ADORA2B: variants seen among roughly 807,000 people sequenced by gnomAD.
ADORA2B encodes the protein adenosine A2b receptor.
In ADORA2B, 18 loss-of-function variants were observed where a neutral mutation model predicts 20.8. The ratio of observed to expected loss-of-function variants is 0.87; its 90% CI spans 0.60 to 1.29. ADORA2B has a LOEUF of 1.29. ADORA2B is among the 50% of genes most tolerant of loss of function. ADORA2B has a pLI of 0.00. For synonymous variants in ADORA2B, 179 were observed against 178.3 expected (o/e 1.00, Z -0.03); for missense variants, 441 against 422.7 (o/e 1.04, Z -0.38).
the ADORA2B span, among the ~76,000 whole-genome samples, chr17:15,855,009 A>G: frequency 6.6e-6 from 1 of 151,150 alleles, no homozygotes; most frequent in Non-Finnish European, 1.5e-5. Context: ...GGCCCACTGC[A>G]ACCTCCACCT....
upstream of ADORA2B, among the ~76,000 whole-genome samples, chr17:15,942,637 G>A (rs1354028097): frequency 3.9e-5 from 6 of 152,114 alleles, no homozygotes; most frequent in South Asian, 2.1e-4. Flanking sequence ...GCTGCAGGGC[G>A]TGCAGGAACC....
chr17:15,862,879 A>G, the ADORA2B span, among the ~76,000 whole-genome samples: 30 of 150,722 alleles, frequency 2.0e-4, no homozygotes, highest in Admixed American at 1.3e-4. Context: ...CTCCTGCGTC[A>G]GCCTCCTAAG....
At chr17:15,896,820 A>AT in the ADORA2B span, among the ~76,000 whole-genome samples, 1 of 151,956 alleles carries the variant, frequency 6.6e-6, no homozygotes, top group Non-Finnish European at 1.5e-5. Flanking sequence ...AGTCCCTCCT[A>AT]TTTTTTCCCT....
At chr17:15,973,431 G>C (rs191844349) in intron 1 of ADORA2B, among the ~76,000 whole-genome samples, 60 of 152,312 alleles carry the variant, frequency 3.9e-4, no homozygotes, top group African/African-American at 1.3e-3. Flanking sequence ...TCTGTTCACT[G>C]ATGTATCTCA....
intron 1 of ADORA2B, among the ~76,000 whole-genome samples, chr17:15,949,248 C>T (rs558528135): frequency 6.6e-6 from 1 of 152,058 alleles, no homozygotes; most frequent in Non-Finnish European, 1.5e-5. Flanking sequence ...CACAGTGGCT[C>T]ACGCCTGTAA....
the ADORA2B span, among the ~76,000 whole-genome samples, chr17:15,852,681 G>A: frequency 7.2e-5 from 11 of 152,164 alleles, no homozygotes; most frequent in Admixed American, 2.6e-4. Context: ...CTATAAAAAA[G>A]AATCCATTAG....
At chr17:15,913,078 CTGT>C in the ADORA2B span, among the ~76,000 whole-genome samples, 1 of 152,168 alleles carries the variant, frequency 6.6e-6, no homozygotes, top group Non-Finnish European at 1.5e-5. Flanking sequence ...CCTGAGGCAT[CTGT>C]TGTTGCACTG....
At chr17:15,868,943 G>C in the ADORA2B span, among the ~76,000 whole-genome samples, 1 of 151,232 alleles carries the variant, frequency 6.6e-6, no homozygotes, top group African/African-American at 2.4e-5. Context: ...GAGTACATCG[G>C]GTGGAGTAGG....
At chr17:15,971,981 T>C (rs1970193631) in intron 1 of ADORA2B, among the ~76,000 whole-genome samples, 1 of 152,104 alleles carries the variant, frequency 6.6e-6, no homozygotes, top group African/African-American at 2.4e-5. Context: ...CTGTGCTAGG[T>C]CTTCGGGATA....
the ADORA2B span, among the ~76,000 whole-genome samples, chr17:15,938,561 C>G: frequency 6.6e-6 from 1 of 152,218 alleles, no homozygotes; most frequent in Admixed American, 6.5e-5. Context: ...CTTGGCCTCC[C>G]AAAGTGCTGG....
At chr17:15,917,840 AC>A in the ADORA2B span, among the ~76,000 whole-genome samples, 1 of 151,674 alleles carries the variant, frequency 6.6e-6, no homozygotes. Flanking sequence ...AGGCTCCCCA[AC>A]CCCCTGCCAC....
At chr17:15,885,423 G>A in the ADORA2B span, among the ~76,000 whole-genome samples, 1 of 152,104 alleles carries the variant, frequency 6.6e-6, no homozygotes, top group Non-Finnish European at 1.5e-5. Context: ...CTTTAAAAAA[G>A]CTTCTGCAGG....
At chr17:15,885,724 A>AC in the ADORA2B span, among the ~76,000 whole-genome samples, 1 of 151,948 alleles carries the variant, frequency 6.6e-6, no homozygotes, top group African/African-American at 2.4e-5. Flanking sequence ...AAAAAAAAAA[A>AC]ACAAAAAAAA....
chr17:15,866,832 C>T, the ADORA2B span, among the ~76,000 whole-genome samples: 283 of 152,060 alleles, frequency 1.9e-3, no homozygotes, highest in African/African-American at 6.5e-3. Context: ...CCTCTGATGC[C>T]GAGCCAAAGC....
chr17:15,889,897 CAATA>C, the ADORA2B span, among the ~76,000 whole-genome samples: 10 of 128,746 alleles, frequency 7.8e-5, 3 homozygotes, highest in South Asian at 2.3e-4. Flanking sequence ...GACTCTGTCT[CAATA>C]AATAAATAAA....
the ADORA2B span, among the ~76,000 whole-genome samples, chr17:15,859,192 C>A: frequency 6.6e-6 from 1 of 152,146 alleles, no homozygotes; most frequent in Admixed American, 6.5e-5. Context: ...GAAGTAAATA[C>A]CTCATTGACA....
the ADORA2B span, among the ~76,000 whole-genome samples, chr17:15,894,731 G>A: frequency 6.6e-6 from 1 of 152,218 alleles, no homozygotes; most frequent in Non-Finnish European, 1.5e-5. Flanking sequence ...CATGGTGTCT[G>A]GTTGGACAGG....
the ADORA2B span, among the ~76,000 whole-genome samples, chr17:15,902,923 G>T: frequency 1.3e-5 from 2 of 152,348 alleles, no homozygotes; most frequent in Admixed American, 1.3e-4. Flanking sequence ...ATGGGAAGGG[G>T]CCCATGGGGG....
chr17:15,863,463 A>G, the ADORA2B span, among the ~76,000 whole-genome samples: 2 of 152,122 alleles, frequency 1.3e-5, no homozygotes, highest in Non-Finnish European at 2.9e-5. Flanking sequence ...CTCCCACCTC[A>G]GCCTCCTGAA....
Sources: gnomAD v4.1 joint callset for allele counts (sites outside exome capture counted in the v4.1 genomes callset) on GRCh38, gnomAD v4.1.1 for gene constraint, MANE v1.5 for transcripts, NCBI Gene and HGNC (gene_info 2026-07-23, HGNC 2026-07-21) for gene names.